NUP58: variants seen among roughly 807,000 people sequenced by gnomAD.
The protein encoded by NUP58 is nucleoporin p58/p45.
Under a neutral mutation model 70.1 loss-of-function variants are expected in NUP58, and 17 were observed. That is an observed-to-expected ratio of 0.24 (90% CI 0.17 to 0.36). The LOEUF (loss-of-function observed/expected upper bound fraction) is 0.36. NUP58 is among the 10% of genes least tolerant of loss of function. NUP58 has a pLI of 1.00. For missense variants in NUP58, 644 were observed against 701.5 expected, an observed-to-expected ratio of 0.92 and a Z score of 0.93; for synonymous variants, 275 against 257.6, an observed-to-expected ratio of 1.07 and a Z score of -0.65.
chr13:25,339,452 A>G (rs2137839593), intron 15 of NUP58, among the ~76,000 whole-genome samples: 1 of 152,326 alleles, frequency 6.6e-6, no homozygotes, highest in Non-Finnish European at 1.5e-5. Context: ...GTATTAGTTA[A>G]CTAGGCAGTA....
chr13:25,307,099 G>A (rs57907216), intron 1 of NUP58, among the ~76,000 whole-genome samples: 1 of 151,700 alleles, frequency 6.6e-6, no homozygotes, highest in African/African-American at 2.4e-5. Flanking sequence ...TTAAAAATAT[G>A]CTAGGTTTCA....
Position 25,320,465 on chromosome 13 carries a change from TA to T in NUP58, c.711-61del. 4 of 1,148,642 alleles carry T rather than the reference TA, an allele frequency of 3.5e-6. No homozygotes were observed. The South Asian group carries it at 5.1e-5, about 15-fold the overall frequency. 71.2% of individuals were successfully genotyped at this position (1,148,642 alleles called of 1,614,324 possible). A position where few individuals can be genotyped will look rare whatever the true frequency, so the allele number is the denominator to read the frequency against. On this transcript the variant is annotated intron_variant, in intron 7 of 15. Coordinates refer to ENST00000381736, the MANE Select transcript of NUP58 (RefSeq NM_014089.4). Reference sequence around the variant, plus strand: ...GTGTCTTAATACTCTAATACTCTATTAAAACTCAGCTGTCAACTTTTTAAAA... The same window carrying T: ...GTGTCTTAATACTCTAATACTCTATTAAACTCAGCTGTCAACTTTTTAAAA...
chr13:25,320,535 G>C lies in NUP58; in HGVS notation c.716G>C (p.Ser239Thr). 1 of 1,608,636 alleles carries C rather than the reference G, an allele frequency of 6.2e-7. No individual in the cohort carries two copies. The highest frequency in any genetic ancestry group is 1.1e-5 in the South Asian group (1 of 90,764). The change falls in exon 8 of 16, where the codon AGT becomes ACT. Residue 239 changes from serine (S) to threonine (T), a missense_variant. Physicochemically the swap from Ser to Thr is moderately conservative, Grantham distance 58. Coordinates refer to ENST00000381736, the MANE Select transcript of NUP58 (RefSeq NM_014089.4). ...SDKTGTRPED[S>T]KALKDENLPP... Reference sequence around the variant, plus strand: ...ATGTTTTGCATTTTTCTTAGGGATAGTAAAGCTCTGAAGGATGAAAATCTA... The same window carrying C: ...ATGTTTTGCATTTTTCTTAGGGATACTAAAGCTCTGAAGGATGAAAATCTA...
intron 5 of NUP58, 145 bp downstream of exon 5, chr13:25,313,896 A>G: frequency 1.7e-6 from 1 of 581,044 alleles, no homozygotes; most frequent in Non-Finnish European, 2.8e-6. Flanking sequence ...GATGGTTTTC[A>G]TACATAATTG....
chr13:25,335,332 G>A (rs2031743487), intron 13 of NUP58: 2 of 985,270 alleles, frequency 2.0e-6, no homozygotes, highest in Non-Finnish European at 2.4e-6. Context: ...TAACTCTTAC[G>A]ACTTACAAGG....
At position 25,327,481 on chromosome 13, in the gene NUP58, CACA is replaced by C; in HGVS notation, c.1205_1207del (p.Gln402del). 1 of 1,610,560 alleles carries C rather than the reference CACA, an allele frequency of 6.2e-7. No homozygotes were observed. Among genetic ancestry groups the C allele is most frequent in the Non-Finnish European group, 8.5e-7 (1 of 1,178,294 alleles). On this transcript the variant is annotated inframe_deletion, in exon 12 of 16. Coordinates refer to ENST00000381736, the MANE Select transcript of NUP58 (RefSeq NM_014089.4). ...TATCAAACATTTGTAGCTTTAGCGG[CACA>C]ACTTCAGTCTATTCATGAAAATGTA...
intron 6 of NUP58, among the ~76,000 whole-genome samples, chr13:25,316,816 C>G: frequency 6.6e-6 from 1 of 152,116 alleles, no homozygotes; most frequent in East Asian, 1.9e-4. Flanking sequence ...CTCTGCCCCT[C>G]CCCACATCTT....
intron 14 of NUP58, 31 bp from the exon 15 acceptor site, chr13:25,338,605 A>G (rs918652226): frequency 6.7e-7 from 1 of 1,493,532 alleles, no homozygotes; most frequent in Non-Finnish European, 9.3e-7. Flanking sequence ...TTTATGTGCC[A>G]TTGTATATTT....
At chr13:25,333,302 C>G (rs556516843) in intron 13 of NUP58, 209 of 985,202 alleles carry the variant, frequency 2.1e-4, no homozygotes, top group Non-Finnish European at 2.5e-4. Context: ...TAGATTTTGT[C>G]TTTGCCCTCT....
rs560223538 is a variant in NUP58, at chr13:25,325,971, A to C, written c.1031+903A>C. On this transcript the variant is annotated intron_variant, in intron 10 of 15. Coordinates refer to ENST00000381736, the MANE Select transcript of NUP58 (RefSeq NM_014089.4). ...CTTTCATTCCAATTTCCTACATATTAACATTTTTACCATATTTTTGTTCCT... is the reference window on the plus strand; with the variant it reads ...CTTTCATTCCAATTTCCTACATATTCACATTTTTACCATATTTTTGTTCCT... Among the ~76,000 whole-genome samples the C allele has an allele frequency of 4.6e-5, 7 of 152,318 alleles. No homozygotes were observed. In the South Asian group the frequency reaches 1.4e-3, roughly 32 times the overall value.
intron 3 of NUP58, among the ~76,000 whole-genome samples, chr13:25,312,680 T>C (rs1049037758): frequency 6.6e-6 from 1 of 152,242 alleles, no homozygotes; most frequent in African/African-American, 2.4e-5. Context: ...TCTTTTGTTT[T>C]TCTTAAAGAG....
At chr13:25,308,051 C>A in intron 2 of NUP58, 103 bp downstream of exon 2, 1 of 1,311,304 alleles carries the variant, frequency 7.6e-7, no homozygotes, top group Non-Finnish European at 1.0e-6. Flanking sequence ...GGTAGTAGAC[C>A]TTAAAAAATG....
In NUP58 at chr13:25,320,680, G is replaced by A. The variant is rs1021556928; in HGVS notation, c.776+85G>A. 5 of 1,007,982 alleles carry A rather than the reference G, an allele frequency of 5.0e-6. No homozygotes were observed. The East Asian group carries it at 7.6e-5, about 15-fold the overall frequency. 62.4% of individuals were successfully genotyped at this position (1,007,982 alleles called of 1,614,324 possible). On this transcript the variant is annotated intron_variant, in intron 8 of 15. Transcript: ENST00000381736. Reference sequence around the variant, plus strand: ...GGGAGCATCTCTTCCTCCTAAAATCGCATCCTAGAGGAGCATCTCTTAACT... The same window carrying A: ...GGGAGCATCTCTTCCTCCTAAAATCACATCCTAGAGGAGCATCTCTTAACT...
At chr13:25,326,720 C>CAGTACTTCTGTTTCAGCAGAATCCCAA (rs2031409575) in intron 10 of NUP58, among the ~76,000 whole-genome samples, 196 bp from the exon 11 acceptor site, 1 of 152,162 alleles carries the variant, frequency 6.6e-6, no homozygotes, top group Non-Finnish European at 1.5e-5. Flanking sequence ...TCTGTTTCAG[C>CAGTACTTCTGTTTCAGCAGAATCCCAA]ATCCTATTTG....
intron 10 of NUP58, among the ~76,000 whole-genome samples, chr13:25,325,363 T>TTTACCA (rs1327650109): frequency 2.0e-5 from 3 of 152,298 alleles, no homozygotes; most frequent in African/African-American, 7.2e-5. Flanking sequence ...TTACTGGTAA[T>TTTACCA]GGAAAATTAC....
chr13:25,320,295 C>A (rs1365029320), intron 7 of NUP58: 3 of 361,128 alleles, frequency 8.3e-6, no homozygotes, highest in Non-Finnish European at 4.9e-6. Flanking sequence ...TTAATAGATG[C>A]CAATCTTCTT....
At chr13:25,345,283 C>T (rs1307717236), downstream of NUP58, among the ~76,000 whole-genome samples, 1 of 152,168 alleles carries the variant, frequency 6.6e-6, no homozygotes, top group East Asian at 1.9e-4. Context: ...ATTTTACTGC[C>T]TGTCTCTGAT....
chr13:25,317,739 GAAA>G (rs59603871), intron 6 of NUP58: 1 of 146,772 alleles, frequency 6.8e-6, no homozygotes, highest in South Asian at 2.2e-4. Context: ...AAATATGAAA[GAAA>G]AAAATCTTAA....
intron 13 of NUP58, chr13:25,332,515 C>CAGT: frequency 2.0e-6 from 2 of 978,594 alleles, no homozygotes; most frequent in Non-Finnish European, 2.4e-6. Flanking sequence ...CCATATAGTC[C>CAGT]AGTAGTACAT....
Sources: gnomAD v4.1 joint callset for allele counts (sites outside exome capture counted in the v4.1 genomes callset) on GRCh38, gnomAD v4.1.1 for gene constraint, MANE v1.5 for transcripts, NCBI Gene and HGNC (gene_info 2026-07-23, HGNC 2026-07-21) for gene names.